Variants in PDPR observed in about 807,000 individuals in gnomAD.
PDPR encodes pyruvate dehydrogenase phosphatase regulatory subunit, also known as pyruvate dehydrogenase phosphatase regulatory subunit, mitochondrial.
A neutral mutation model predicts 102.2 loss-of-function variants in PDPR; 50 were observed. The ratio of observed to expected loss-of-function variants is 0.49; its 90% CI spans 0.39 to 0.62. The LOEUF (loss-of-function observed/expected upper bound fraction) is 0.62, where lower values mean the gene tolerates loss of function less well. PDPR is among the 20% of genes least tolerant of loss of function. The pLI is 0.00. For missense variants in PDPR, 625 were observed against 1,098.2 expected, an observed-to-expected ratio of 0.57 and a Z score of 6.09; for synonymous variants, 259 against 406.0, an observed-to-expected ratio of 0.64 and a Z score of 4.35.
chr16:70,146,951 T>A (rs1283664115), intron 16 of PDPR, among the ~76,000 whole-genome samples: 2 of 61,804 alleles, frequency 3.2e-5, no homozygotes, highest in African/African-American at 6.5e-5. Flanking sequence ...TTATTTATTT[T>A]GAGACAGAGT....
intron 9 of PDPR, among the ~76,000 whole-genome samples, chr16:70,134,986 G>C (rs1313026427): frequency 6.6e-6 from 1 of 152,162 alleles, no homozygotes; most frequent in Non-Finnish European, 1.5e-5. Context: ...CATTTTGGGA[G>C]GCCAAGATGG....
chr16:70,124,881 A>T (rs562633209), intron 3 of PDPR, among the ~76,000 whole-genome samples: 1 of 152,396 alleles, frequency 6.6e-6, no homozygotes, highest in South Asian at 2.1e-4. Flanking sequence ...TTACTGAGTG[A>T]TAAATAATTT....
chr16:70,133,369 G>A lies in PDPR; in HGVS notation c.997+1069G>A, dbSNP rs1170882181. Among the ~76,000 whole-genome samples, 4 of 151,128 alleles carry A rather than the reference G, an allele frequency of 2.6e-5. No homozygotes were observed. The Admixed American group carries it at 2.7e-4, about 10-fold the overall frequency. ...ACTCCTGACCTCAGGTGATCCGCCT[G>A]CCTCAGCCTCCCAAAGTGCTGGGAT... On this transcript the variant is annotated intron_variant, in intron 9 of 18. Transcript: ENST00000288050.
intron 17 of PDPR, among the ~76,000 whole-genome samples, chr16:70,152,910 G>T (rs1260701928): frequency 6.6e-6 from 1 of 152,302 alleles, no homozygotes; most frequent in Non-Finnish European, 1.5e-5. Flanking sequence ...GTCATCCGAT[G>T]TGTGCACACG....
At chr16:70,141,153 A>G (rs1350081070) in intron 11 of PDPR, among the ~76,000 whole-genome samples, 1 of 152,214 alleles carries the variant, frequency 6.6e-6, no homozygotes, top group African/African-American at 2.4e-5. Context: ...TCCTGGGTTC[A>G]AACAATTCTC....
At chr16:70,142,884 C>G (rs1192990558) in intron 13 of PDPR, among the ~76,000 whole-genome samples, 198 bp downstream of exon 13, 1 of 152,222 alleles carries the variant, frequency 6.6e-6, no homozygotes. Context: ...GATGGTGAAA[C>G]CCCGTTTCTA....
At chr16:70,152,559 CTGTT>C (rs1966817140) in intron 17 of PDPR, among the ~76,000 whole-genome samples, 1 of 152,260 alleles carries the variant, frequency 6.6e-6, no homozygotes, top group Non-Finnish European at 1.5e-5. Flanking sequence ...TCATAGTGGT[CTGTT>C]TGGTAGATGC....
intron 2 of PDPR, among the ~76,000 whole-genome samples, chr16:70,117,642 C>G (rs1412833219): frequency 6.6e-6 from 1 of 152,100 alleles, no homozygotes; most frequent in Non-Finnish European, 1.5e-5. Context: ...GAATAGAACA[C>G]TCACGCCTCA....
chr16:70,126,631 G>T (rs1362394793), intron 3 of PDPR, among the ~76,000 whole-genome samples: 23 of 152,356 alleles, frequency 1.5e-4, no homozygotes, highest in Middle Eastern at 3.4e-3. Flanking sequence ...CCAAAGTGCT[G>T]GGATTACAGG....
intron 2 of PDPR, among the ~76,000 whole-genome samples, chr16:70,116,646 T>C (rs984498336): frequency 6.6e-6 from 1 of 150,432 alleles, no homozygotes; most frequent in African/African-American, 2.4e-5. Context: ...AGGCCCAAGA[T>C]GCAATGGTGG....
At chr16:70,137,217 G>A (rs1351743145) in intron 10 of PDPR, among the ~76,000 whole-genome samples, 17 of 152,272 alleles carry the variant, frequency 1.1e-4, no homozygotes, top group East Asian at 3.9e-4. Context: ...TTAGCCGGGC[G>A]TTGTGGCGGG....
chr16:70,156,678 C>A lies in PDPR; in HGVS notation c.2439C>A (p.Cys813Ter). Reference sequence around the variant, plus strand: ...GCTACAGCCTGGAGCGCCACGTTTGCCTGGGCTTTGTGCACAATTTTTCTG... The same window carrying A: ...GCTACAGCCTGGAGCGCCACGTTTGACTGGGCTTTGTGCACAATTTTTCTG... ...AYSYSLERHV[C>*]LGFVHNFSED... The change falls in exon 19 of 19, where the codon TGC becomes TGA. Residue 813 changes from cysteine to a stop codon, truncating the protein, a stop_gained. Transcript: ENST00000288050. LOFTEE classifies it high-confidence loss of function. 6.2e-7 allele frequency: 1 copy of A among 1,614,110 alleles called. No homozygotes were observed. Among genetic ancestry groups the A allele is most frequent in the Non-Finnish European group, 8.5e-7 (1 of 1,179,918 alleles).
At chr16:70,148,440 T>G in intron 16 of PDPR, 24 bp from the exon 17 acceptor site, 1 of 1,579,844 alleles carries the variant, frequency 6.3e-7, no homozygotes, top group South Asian at 1.1e-5. Context: ...GTGCCCAGGC[T>G]GACTGCTGCC....
chr16:70,149,964 G>A lies in PDPR; in HGVS notation c.2052+1411G>A, dbSNP rs1170565667. 2.6e-5 allele frequency among the ~76,000 whole-genome samples: 4 copies of A among 151,424 alleles called. No homozygotes were observed. In the East Asian group the frequency reaches 7.9e-4, roughly 30 times the overall value. On this transcript the variant is annotated intron_variant, in intron 17 of 18. Transcript: ENST00000288050. ...TGCCACCACGCCCGGCTAATTTTTT[G>A]TATTTTTCATAGAGACGGGGTTTCA...
intron 3 of PDPR, among the ~76,000 whole-genome samples, chr16:70,122,866 C>T (rs1262760840): frequency 3.3e-5 from 5 of 152,008 alleles, no homozygotes; most frequent in Non-Finnish European, 2.9e-5. Context: ...CACACACACA[C>T]ACCAGTTTAG....
At chr16:70,127,415 A>G in intron 4 of PDPR, 22 bp downstream of exon 4, 2 of 1,602,524 alleles carry the variant, frequency 1.2e-6, no homozygotes, top group African/African-American at 1.3e-5. Context: ...TCTTCCATTT[A>G]TTGCTTTGCC....
In PDPR at chr16:70,153,501, C is replaced by T. The variant is rs781617974; in HGVS notation, c.2163C>T (p.Phe721=). The change falls in exon 18 of 19, where the codon TTC becomes TTT. Residue 721 remains phenylalanine, a synonymous_variant. Transcript: ENST00000288050. ...TCCGAATTGAGAAGTTTTTTGCCTTCTGGGGTCAGGATATAAATAACCTCA... is the reference window on the plus strand; with the variant it reads ...TCCGAATTGAGAAGTTTTTTGCCTTTTGGGGTCAGGATATAAATAACCTCA... ...RSLRIEKFFA[F]WGQDINNLTT... The T allele has an allele frequency of 7.4e-6, 12 of 1,612,974 alleles. No homozygotes were observed. Among genetic ancestry groups the T allele is most frequent in the Non-Finnish European group, 1.0e-5 (12 of 1,179,544 alleles).
rs1246858002 is a variant in PDPR, at chr16:70,162,195, C to T, written c.*5316C>T. 3 of 152,522 alleles carry T rather than the reference C, an allele frequency of 2.0e-5. No individual in the cohort carries two copies. Among genetic ancestry groups the T allele is most frequent in the African/African-American group, 7.2e-5 (3 of 41,478 alleles). The allele number at this position is 152,522 out of a possible 1,614,324, so 9.4% of individuals were successfully genotyped here. On this transcript the variant is annotated 3_prime_UTR_variant, in exon 19 of 19. Coordinates refer to ENST00000288050, the MANE Select transcript of PDPR (RefSeq NM_017990.5). The stretch of plus-strand genomic sequence containing the variant: ...GGGTGTTCTAGCAGCTCAGTTAACA[C>T]TTTACTCTCCAGTCAACACTTGGGA...
Position 70,132,188 on chromosome 16 carries a change from C to G in PDPR, c.885C>G (p.Asn295Lys), listed in dbSNP as rs556411232. ...CTGATGGAAGAATTTATATTCGGAA[C>G]TGGCAGGGTGGCATCCTGTCTGGGG... Reference protein sequence around the residue: ...VDADGRIYIRNWQGGILSGGF... With the variant: ...VDADGRIYIRKWQGGILSGGF... Residue 295 changes from asparagine to lysine, a missense_variant, in exon 9 of 19, where the codon AAC (asparagine) becomes AAG (lysine). Asn to Lys is a moderately conservative substitution (Grantham distance 94, BLOSUM62 0). This residue lies in a region of PDPR where 16 missense variants were observed against 93.0 expected (regional missense o/e 0.17). Coordinates refer to ENST00000288050, the MANE Select transcript of PDPR (RefSeq NM_017990.5). 6.3e-5 allele frequency: 102 copies of G among 1,613,232 alleles called. 1 individual carries two copies. In the East Asian group the frequency reaches 1.0e-3, roughly 17 times the overall value.
Sources: gnomAD v4.1 joint callset for allele counts (sites outside exome capture counted in the v4.1 genomes callset) on GRCh38, gnomAD v4.1.1 for gene constraint, gnomAD v4.1.1 regional missense constraint, MANE v1.5 for transcripts, NCBI Gene and HGNC (gene_info 2026-07-23, HGNC 2026-07-21) for gene names.